WNK2: variants seen among roughly 807,000 people sequenced by gnomAD.
The protein encoded by WNK2 is serine/threonine-protein kinase WNK2.
Under a neutral mutation model 192.1 loss-of-function variants are expected in WNK2, and 67 were observed. The ratio of observed to expected loss-of-function variants is 0.35; its 90% CI spans 0.29 to 0.43. The LOEUF is 0.43. Among genes scored for constraint, WNK2 ranks in the 20% least tolerant of loss-of-function variants. The pLI, the probability that WNK2 is intolerant of heterozygous loss-of-function variation, is 1.00. For synonymous variants in WNK2, 1,439 were observed against 1,393.9 expected, an observed-to-expected ratio of 1.03 and a Z score of -0.72; for missense variants, 2,698 against 3,089.7, an observed-to-expected ratio of 0.87 and a Z score of 3.01.
chr9:93,206,615 T>G (rs919554670), intron 2 of WNK2, among the ~76,000 whole-genome samples: 4 of 152,056 alleles, frequency 2.6e-5, no homozygotes, highest in African/African-American at 9.7e-5. Context: ...TGGGAGGGCC[T>G]GTCCCAGGAG....
At chr9:93,256,016 T>C (rs1024958610) in intron 9 of WNK2, among the ~76,000 whole-genome samples, 6 of 152,220 alleles carry the variant, frequency 3.9e-5, no homozygotes, top group African/African-American at 1.4e-4. Context: ...CCTTTCTGTA[T>C]GGTTCTGCAG....
chr9:93,231,850 A>G (rs1436571209), intron 4 of WNK2, among the ~76,000 whole-genome samples: 2 of 152,174 alleles, frequency 1.3e-5, no homozygotes, highest in Non-Finnish European at 2.9e-5. Context: ...GCGTTGTGCC[A>G]TGTACCTGGC....
At chr9:93,272,814 CAGAG>C (rs200069016) in intron 19 of WNK2, among the ~76,000 whole-genome samples, 3,233 of 142,142 alleles carry the variant, frequency 0.023, 45 homozygotes, top group Middle Eastern at 0.075. Context: ...AATTAAAAAA[CAGAG>C]AGAAAAAAAC....
At position 93,267,788 on chromosome 9, in the gene WNK2, A is replaced by T. The variant is rs745425922; in HGVS notation, c.3739A>T (p.Ile1247Phe). The change falls in exon 17 of 30, where the codon ATC (isoleucine) becomes TTC (phenylalanine). Residue 1247 changes from isoleucine (I) to phenylalanine (F), a missense_variant. Around this residue, in one of 7 missense-constraint regions of WNK2, gnomAD observed 1,098 missense variants for 1,101.0 expected, o/e 1.00. Transcript: ENST00000427277. Reference sequence around the variant, plus strand: ...CCTGCAGGCCGAGCGGGAAACGTTCATCGAGCAGATGAAGGATGTCATGGA... The same window carrying T: ...CCTGCAGGCCGAGCGGGAAACGTTCTTCGAGCAGATGAAGGATGTCATGGA... ...FILQAERETFIEQMKDVMDKA... is the reference protein window; with the variant it reads ...FILQAERETFFEQMKDVMDKA... 1.2e-6 allele frequency: 2 copies of T among 1,610,864 alleles called. No homozygotes were observed. Among genetic ancestry groups the T allele is most frequent in the Non-Finnish European group, 1.7e-6 (2 of 1,178,708 alleles).
intron 2 of WNK2, among the ~76,000 whole-genome samples, chr9:93,201,169 G>A (rs2131254709): frequency 6.6e-6 from 1 of 152,274 alleles, no homozygotes; most frequent in South Asian, 2.1e-4. Context: ...TCCTGCTTGG[G>A]ATGAGTCTGT....
intron 2 of WNK2, among the ~76,000 whole-genome samples, chr9:93,193,463 G>C (rs888329800): frequency 3.9e-5 from 6 of 152,254 alleles, no homozygotes; most frequent in African/African-American, 1.4e-4. Flanking sequence ...AGAGCAAGCC[G>C]AGCCAGCAGG....
At chr9:93,283,461 G>C (rs965342753) in intron 19 of WNK2, among the ~76,000 whole-genome samples, 4 of 152,144 alleles carry the variant, frequency 2.6e-5, no homozygotes, top group South Asian at 2.1e-4. Context: ...GGATGAAAAG[G>C]GGGAGACACT....
At chr9:93,280,798 T>G (rs1847613363) in intron 19 of WNK2, among the ~76,000 whole-genome samples, 1 of 152,238 alleles carries the variant, frequency 6.6e-6, no homozygotes, top group South Asian at 2.1e-4. Flanking sequence ...TCCAAACTTT[T>G]AAAGAACCTG....
intron 19 of WNK2, among the ~76,000 whole-genome samples, chr9:93,270,437 G>A (rs7875384): frequency 0.75 from 114,437 of 152,190 alleles, 44,691 homozygotes; most frequent in East Asian, 1. Context: ...GAAATGCACT[G>A]TAAATCCTGG....
chr9:93,267,820 A>G lies in WNK2; in HGVS notation c.3771A>G (p.Ala1257=), dbSNP rs1845407488. ...IEQMKDVMDK[A]EDMLSEDTDA... ...AGATGAAGGATGTCATGGACAAGGC[A>G]GAGGACATGCTCAGCGAGGACACAG... The change falls in exon 17 of 30, where the codon GCA becomes GCG. Residue 1257 remains alanine (A), a synonymous_variant. Coordinates refer to ENST00000427277, the MANE Select transcript of WNK2 (RefSeq NM_006648.4). The G allele has an allele frequency of 1.2e-6, 2 of 1,612,760 alleles. No individual in the cohort carries two copies. Among genetic ancestry groups the G allele is most frequent in the African/African-American group, 1.3e-5 (1 of 75,034 alleles).
chr9:93,319,246 T>C, intron 29 of WNK2: 1 of 1,580,636 alleles, frequency 6.3e-7, no homozygotes, highest in Non-Finnish European at 8.6e-7. Context: ...CCTCTATCCA[T>C]ATAAAATCCA....
At chr9:93,202,032 T>A (rs1360996253) in intron 2 of WNK2, among the ~76,000 whole-genome samples, 3 of 152,210 alleles carry the variant, frequency 2.0e-5, no homozygotes, top group Non-Finnish European at 4.4e-5. Flanking sequence ...GGTTGCTGGC[T>A]GCGCTGGAGG....
At chr9:93,235,151 G>A (rs909452304) in intron 5 of WNK2, among the ~76,000 whole-genome samples, 186 bp downstream of exon 5, 3 of 152,190 alleles carry the variant, frequency 2.0e-5, no homozygotes, top group Non-Finnish European at 2.9e-5. Flanking sequence ...GCTTAGTAGC[G>A]GGGTGGTTAC....
chr9:93,307,079 G>A (rs764992875), intron 27 of WNK2: 88 of 546,044 alleles, frequency 1.6e-4, no homozygotes, highest in Admixed American at 5.0e-4. Flanking sequence ...ATCCTTCCCC[G>A]GAACACCCGC....
At chr9:93,294,387 A>G (rs1011061799) in intron 23 of WNK2, among the ~76,000 whole-genome samples, 2 of 152,214 alleles carry the variant, frequency 1.3e-5, no homozygotes, top group African/African-American at 4.8e-5. Context: ...GGTGGCCCCC[A>G]TTGGCCACAT....
intron 27 of WNK2, chr9:93,307,796 C>G (rs1186593127): frequency 6.5e-6 from 1 of 153,260 alleles, no homozygotes. Context: ...AGTCAGGCAG[C>G]CCTGGCAGGC....
At chr9:93,261,418 C>G (rs945370395) in intron 12 of WNK2, among the ~76,000 whole-genome samples, 2 of 152,184 alleles carry the variant, frequency 1.3e-5, no homozygotes, top group Admixed American at 1.3e-4. Flanking sequence ...GGTGTCAGTG[C>G]GCGCTCTGAG....
intron 5 of WNK2, among the ~76,000 whole-genome samples, chr9:93,237,555 TAA>T (rs1840034163): frequency 6.6e-6 from 1 of 152,234 alleles, no homozygotes; most frequent in Non-Finnish European, 1.5e-5. Context: ...TATGTATCTG[TAA>T]AGAGTTTTAA....
chr9:93,230,800 C>T (rs1838656911), intron 3 of WNK2, 88 bp from the exon 4 acceptor site: 1 of 1,206,618 alleles, frequency 8.3e-7, no homozygotes, highest in Middle Eastern at 2.8e-4. Flanking sequence ...GGACTTTGTA[C>T]CAGGCCTAAG....
Sources: allele counts gnomAD v4.1 joint callset (sites outside exome capture counted in the v4.1 genomes callset), GRCh38; gene constraint gnomAD v4.1.1; regional missense constraint gnomAD v4.1.1; transcripts MANE v1.5; gene names NCBI Gene and HGNC (gene_info 2026-07-23, HGNC 2026-07-21).